Variants in KCNH5 observed in about 807,000 individuals in gnomAD.
KCNH5 encodes the protein potassium voltage-gated channel subfamily H member 5.
Under a neutral mutation model 96.1 loss-of-function variants are expected in KCNH5, and 46 were observed. That is an observed-to-expected ratio of 0.48 (90% CI 0.38 to 0.61). KCNH5 has a LOEUF of 0.61. Ranked by LOEUF, KCNH5 falls within the 20% of genes least tolerant of loss-of-function variation. The pLI is 0.00. For missense variants in KCNH5, 907 were observed against 1,225.8 expected, an observed-to-expected ratio of 0.74 and a Z score of 3.88; for synonymous variants, 439 against 449.8, an observed-to-expected ratio of 0.98 and a Z score of 0.30.
intron 7 of KCNH5, among the ~76,000 whole-genome samples, chr14:62,866,137 A>G (rs559755924): frequency 1.3e-5 from 2 of 152,326 alleles, no homozygotes; most frequent in African/African-American, 4.8e-5. Context: ...GTGCCTATAG[A>G]ATGTTTCTAT....
rs549166058 is a variant in KCNH5, at chr14:62,751,555, G to A, written c.2019+28173C>T. Among the ~76,000 whole-genome samples, 3 of 152,246 alleles carry A rather than the reference G, an allele frequency of 2.0e-5. No homozygotes were observed. The South Asian group carries it at 6.2e-4, about 32-fold the overall frequency. ...AAGCACTGGGCAATCCCTCTTCCAT[G>A]GCCAGTTTTCTAACAGTGTGCCCAA... On this transcript the variant is annotated intron_variant, in intron 10 of 10. Transcript: ENST00000322893.
chr14:62,993,737 G>GA (rs1286861802), intron 4 of KCNH5, among the ~76,000 whole-genome samples: 1 of 151,972 alleles, frequency 6.6e-6, no homozygotes, highest in Admixed American at 6.6e-5. Flanking sequence ...CTAGGTCAGA[G>GA]AAAAAAGACG....
At chr14:62,872,228 A>T (rs1441011463) in intron 7 of KCNH5, among the ~76,000 whole-genome samples, 1 of 152,224 alleles carries the variant, frequency 6.6e-6, no homozygotes, top group African/African-American at 2.4e-5. Context: ...GTCTCAGTCC[A>T]TGCCCAATGC....
intron 9 of KCNH5, 84 bp from the exon 10 acceptor site, chr14:62,780,008 A>G (rs1227033514): frequency 4.4e-6 from 5 of 1,133,126 alleles, no homozygotes; most frequent in Non-Finnish European, 6.1e-6. Flanking sequence ...CATATACAGT[A>G]TTGACCTTCT....
At position 62,701,095 on chromosome 14, in the gene KCNH5, G is replaced by C. The variant is rs536935355; in HGVS notation, c.*6413C>G. On this transcript the variant is annotated 3_prime_UTR_variant, in exon 11 of 11. Transcript: ENST00000322893. ...TCAGTGATTCCGCATGAATGAGAGA[G>C]AGTGATCAGATCTTTTTGTTTCCTC... 2.8e-4 allele frequency: 42 copies of C among 152,246 alleles called. No individual in the cohort carries two copies. The highest frequency in any genetic ancestry group is 9.4e-4 in the African/African-American group (39 of 41,558). 9.4% of individuals were successfully genotyped at this position (152,246 alleles called of 1,614,324 possible).
At chr14:62,829,745 T>C (rs1887304040) in intron 8 of KCNH5, among the ~76,000 whole-genome samples, 1 of 152,186 alleles carries the variant, frequency 6.6e-6, no homozygotes, top group Admixed American at 6.5e-5. Flanking sequence ...GAAGACATTT[T>C]CCCCATTGTC....
chr14:62,894,120 T>C (rs1436650706), intron 7 of KCNH5, among the ~76,000 whole-genome samples: 2 of 152,228 alleles, frequency 1.3e-5, no homozygotes, highest in South Asian at 2.1e-4. Context: ...CCATATTTAA[T>C]AGACTGCAGT....
At chr14:63,035,565 T>C (rs1192372868) in intron 1 of KCNH5, among the ~76,000 whole-genome samples, 1 of 152,236 alleles carries the variant, frequency 6.6e-6, no homozygotes, top group Non-Finnish European at 1.5e-5. Flanking sequence ...TTCCTCAGTT[T>C]GTCCAAGAAT....
intron 7 of KCNH5, among the ~76,000 whole-genome samples, chr14:62,928,035 A>G (rs1188408846): frequency 6.6e-6 from 1 of 152,108 alleles, no homozygotes; most frequent in African/African-American, 2.4e-5. Context: ...ACTGCCAGCT[A>G]TGTTTGAAAA....
intron 10 of KCNH5, among the ~76,000 whole-genome samples, chr14:62,732,446 C>G (rs906782089): frequency 6.6e-6 from 1 of 151,848 alleles, no homozygotes; most frequent in East Asian, 1.9e-4. Flanking sequence ...ATTGGTATCA[C>G]TTACCTCGGC....
chr14:62,771,430 T>A (rs1481524725), intron 10 of KCNH5, among the ~76,000 whole-genome samples: 1 of 152,054 alleles, frequency 6.6e-6, no homozygotes, highest in Non-Finnish European at 1.5e-5. Flanking sequence ...ATCAAGACTA[T>A]CCTGGCTAAC....
chr14:62,845,687 G>C (rs1566679838), intron 8 of KCNH5, among the ~76,000 whole-genome samples: 1 of 152,178 alleles, frequency 6.6e-6, no homozygotes, highest in Non-Finnish European at 1.5e-5. Flanking sequence ...GTTTAAATGT[G>C]GGAGATTTTG....
At chr14:62,858,911 C>A (rs1162303453) in intron 7 of KCNH5, among the ~76,000 whole-genome samples, 1 of 152,190 alleles carries the variant, frequency 6.6e-6, no homozygotes, top group Non-Finnish European at 1.5e-5. Context: ...ATTCATCCAG[C>A]TGCCTCAGGA....
intron 7 of KCNH5, among the ~76,000 whole-genome samples, chr14:62,928,801 TCA>T (rs1889524207): frequency 1.3e-5 from 2 of 152,088 alleles, no homozygotes; most frequent in South Asian, 4.1e-4. Flanking sequence ...CACTTCATTC[TCA>T]GTCTTTTTGC....
At chr14:62,888,037 G>A (rs182724974) in intron 7 of KCNH5, among the ~76,000 whole-genome samples, 90 of 152,172 alleles carry the variant, frequency 5.9e-4, no homozygotes, top group Admixed American at 1.6e-3. Context: ...AAGAGCATTC[G>A]AAACTTTCCT....
At chr14:62,994,823 A>G (rs1890877933) in intron 4 of KCNH5, among the ~76,000 whole-genome samples, 2 of 152,156 alleles carry the variant, frequency 1.3e-5, no homozygotes, top group African/African-American at 4.8e-5. Flanking sequence ...CAACAATACT[A>G]ATTTTCAGAA....
At chr14:62,915,269 C>A (rs1889251845) in intron 7 of KCNH5, among the ~76,000 whole-genome samples, 1 of 152,180 alleles carries the variant, frequency 6.6e-6, no homozygotes, top group Non-Finnish European at 1.5e-5. Context: ...AAGTTCTTCC[C>A]TTCCTGTTTC....
rs1466147330 is a variant in KCNH5, at chr14:62,708,307, C to T, written c.2168G>A (p.Gly723Asp). The change falls in exon 11 of 11, where the codon GGC (glycine) becomes GAC (aspartate). Residue 723 changes from glycine (G) to aspartate (D), a missense_variant. Gly to Asp is a moderately conservative substitution (Grantham distance 94, BLOSUM62 -1). Transcript: ENST00000322893. ...FKQQKELRNQ[G>D]STQGDPERNQ... ...CCTCTCAGGGTCACCCTGTGTTGAG[C>T]CCTGATTCCGCAGCTCCTTCTGCTG... The T allele has an allele frequency of 1.2e-6, 2 of 1,614,020 alleles. No individual in the cohort carries two copies. Among genetic ancestry groups the T allele is most frequent in the Non-Finnish European group, 1.7e-6 (2 of 1,180,044 alleles).
At chr14:63,026,829 T>C (rs1019767554) in intron 1 of KCNH5, among the ~76,000 whole-genome samples, 5 of 152,078 alleles carry the variant, frequency 3.3e-5, no homozygotes, top group African/African-American at 9.7e-5. Flanking sequence ...AACCACCATA[T>C]GATTCAGCGA....
Sources: gnomAD v4.1 joint callset for allele counts (sites outside exome capture counted in the v4.1 genomes callset) on GRCh38, gnomAD v4.1.1 for gene constraint, MANE v1.5 for transcripts, NCBI Gene and HGNC (gene_info 2026-07-23, HGNC 2026-07-21) for gene names.